SLC24A2: variants seen among roughly 807,000 people sequenced by gnomAD.
SLC24A2 encodes solute carrier family 24 member 2.
Under a neutral mutation model 62.0 loss-of-function variants are expected in SLC24A2, and 36 were observed. The observed-to-expected ratio is 0.58, with a 90% CI of 0.44 to 0.77. SLC24A2 has a LOEUF of 0.77. SLC24A2 is among the 30% of genes least tolerant of loss of function. The probability of loss-of-function intolerance (pLI) is 0.00; values close to 1 mark genes in which losing one functional copy is unlikely to be tolerated. For missense variants in SLC24A2, 846 were observed against 817.9 expected (o/e 1.03, Z -0.42); for synonymous variants, 358 against 294.0 (o/e 1.22, Z -2.23).
intron 2 of SLC24A2, among the ~76,000 whole-genome samples, chr9:19,685,950 A>G (rs1232692754): frequency 6.6e-6 from 1 of 152,122 alleles, no homozygotes; most frequent in Non-Finnish European, 1.5e-5. Flanking sequence ...GTTTCTGCAC[A>G]GCAAAACACA....
At chr9:19,981,189 GTGTTC>G in the SLC24A2 span, among the ~76,000 whole-genome samples, 1 of 152,188 alleles carries the variant, frequency 6.6e-6, no homozygotes, top group Non-Finnish European at 1.5e-5. Context: ...AATATGATGA[GTGTTC>G]TCCAAACAAC....
chr9:20,115,833 G>A, the SLC24A2 span, among the ~76,000 whole-genome samples: 1 of 152,080 alleles, frequency 6.6e-6, no homozygotes, highest in Non-Finnish European at 1.5e-5. Context: ...TTCCAAAATT[G>A]GCTATTAGAT....
the SLC24A2 span, among the ~76,000 whole-genome samples, chr9:20,251,616 T>C: frequency 6.6e-6 from 1 of 152,340 alleles, no homozygotes; most frequent in Admixed American, 6.5e-5. Context: ...AATTACGTAA[T>C]AAACTGGTCA....
the SLC24A2 span, among the ~76,000 whole-genome samples, chr9:19,842,368 T>A: frequency 2.0e-5 from 3 of 152,316 alleles, no homozygotes; most frequent in Middle Eastern, 3.4e-3. Context: ...AAAGGTAGAA[T>A]GGCTTACTGA....
chr9:19,885,738 C>T, the SLC24A2 span, among the ~76,000 whole-genome samples: 1 of 152,072 alleles, frequency 6.6e-6, no homozygotes, highest in East Asian at 1.9e-4. Flanking sequence ...TTCTGTGCCT[C>T]TCCCTCCTCC....
At position 19,516,258 on chromosome 9, in the gene SLC24A2, T is replaced by C; in HGVS notation, c.1881A>G (p.Arg627=). The change falls in exon 11 of 11, where the codon CGA becomes CGG. Residue 627 remains arginine, a synonymous_variant. Transcript: ENST00000341998. ...TGATGAAGCCCAGGATTTTGTTCAT[T>C]CGCCACTTGCAGAGGGCGATAGAGA... ...VILSIALCKW[R]MNKILGFIMF... 6.2e-7 allele frequency: 1 copy of C among 1,614,080 alleles called. No individual in the cohort carries two copies. Among genetic ancestry groups the C allele is most frequent in the Non-Finnish European group, 8.5e-7 (1 of 1,180,006 alleles).
intron 7 of SLC24A2, among the ~76,000 whole-genome samples, chr9:19,564,745 A>G (rs147258673): frequency 3.3e-5 from 5 of 152,302 alleles, no homozygotes; most frequent in Middle Eastern, 3.4e-3. Flanking sequence ...AAAATGTAGG[A>G]CACAGTTTTT....
chr9:19,830,010 A>G, the SLC24A2 span, among the ~76,000 whole-genome samples: 1 of 151,886 alleles, frequency 6.6e-6, no homozygotes, highest in Non-Finnish European at 1.5e-5. Flanking sequence ...ACCTGAAACA[A>G]TATCAGCCTA....
At chr9:20,161,414 A>C in the SLC24A2 span, among the ~76,000 whole-genome samples, 1 of 151,420 alleles carries the variant, frequency 6.6e-6, no homozygotes, top group Non-Finnish European at 1.5e-5. Context: ...CTGATTTTTA[A>C]AAATAGTACA....
At chr9:19,901,766 G>A in the SLC24A2 span, among the ~76,000 whole-genome samples, 1 of 152,108 alleles carries the variant, frequency 6.6e-6, no homozygotes, top group African/African-American at 2.4e-5. Context: ...ACTAGTCTGT[G>A]GTTGGTGTTC....
At chr9:20,247,609 T>A in the SLC24A2 span, among the ~76,000 whole-genome samples, 1 of 152,340 alleles carries the variant, frequency 6.6e-6, no homozygotes, top group Non-Finnish European at 1.5e-5. Context: ...AGTGCCTTGA[T>A]CTTAGACTTC....
chr9:20,176,233 C>A, the SLC24A2 span, among the ~76,000 whole-genome samples: 1 of 151,934 alleles, frequency 6.6e-6, no homozygotes, highest in African/African-American at 2.4e-5. Context: ...TGAGTCTTTT[C>A]TTCTATTTGC....
chr9:20,119,420 A>C, the SLC24A2 span, among the ~76,000 whole-genome samples: 2 of 152,202 alleles, frequency 1.3e-5, no homozygotes, highest in African/African-American at 2.4e-5. Context: ...CGATATATAA[A>C]ACAGGAATTC....
chr9:19,733,373 ATCT>A (rs1821396806), intron 2 of SLC24A2, among the ~76,000 whole-genome samples: 1 of 152,140 alleles, frequency 6.6e-6, no homozygotes, highest in Admixed American at 6.5e-5. Flanking sequence ...CAGCAAGATG[ATCT>A]TCTTTCCGTT....
At chr9:19,893,116 T>A in the SLC24A2 span, among the ~76,000 whole-genome samples, 3 of 152,198 alleles carry the variant, frequency 2.0e-5, no homozygotes, top group Non-Finnish European at 2.9e-5. Context: ...GTCCAGCATG[T>A]AAGAAAGTCT....
intron 7 of SLC24A2, among the ~76,000 whole-genome samples, chr9:19,564,051 T>G (rs1174925528): frequency 6.6e-6 from 1 of 151,814 alleles, no homozygotes; most frequent in East Asian, 1.9e-4. Flanking sequence ...GAGAGTGTTT[T>G]TGTGATGTTG....
At chr9:20,266,716 A>C in the SLC24A2 span, among the ~76,000 whole-genome samples, 1 of 152,208 alleles carries the variant, frequency 6.6e-6, no homozygotes, top group East Asian at 1.9e-4. Context: ...CAAGTTTGAA[A>C]ATCTCTGTAT....
the SLC24A2 span, among the ~76,000 whole-genome samples, chr9:20,228,992 A>C: frequency 6.6e-6 from 1 of 151,920 alleles, no homozygotes; most frequent in Non-Finnish European, 1.5e-5. Context: ...GAGGAAAGGG[A>C]CTTAGTGATG....
chr9:19,624,934 C>T (rs758944451), intron 2 of SLC24A2, among the ~76,000 whole-genome samples: 4 of 152,106 alleles, frequency 2.6e-5, no homozygotes, highest in South Asian at 2.1e-4. Context: ...CAGCTGATTA[C>T]GTTACAAATT....
Sources: allele counts gnomAD v4.1 joint callset (sites outside exome capture counted in the v4.1 genomes callset), GRCh38; gene constraint gnomAD v4.1.1; transcripts MANE v1.5; gene names NCBI Gene and HGNC (gene_info 2026-07-23, HGNC 2026-07-21).